Variants in DEFB109B observed in about 807,000 individuals in gnomAD.
DEFB109B encodes defensin beta 109B.
chr8:7,315,635 T>G (rs1487584763), intron 1 of DEFB109B, among the ~76,000 whole-genome samples: 2 of 131,242 alleles, frequency 1.5e-5, no homozygotes, highest in Non-Finnish European at 3.0e-5. Flanking sequence ...AAGCCCACAC[T>G]CAGCCTTTCA....
downstream of DEFB109B, chr8:7,319,955 T>A (rs1472860522): frequency 1.5e-5 from 1 of 66,664 alleles, no homozygotes. Context: ...GAAATGAAAC[T>A]GAAACAAAAT....
chr8:7,319,601 T>C (rs1232107695), intron 1 of DEFB109B, 145 bp from the exon 2 acceptor site: 1 of 141,070 alleles, frequency 7.1e-6, no homozygotes, highest in East Asian at 2.0e-4. Context: ...TTAAACTGCA[T>C]GTGTCTCTGA....
upstream of DEFB109B, among the ~76,000 whole-genome samples, chr8:7,310,850 AGTTT>A (rs1585308000): frequency 1.5e-5 from 2 of 134,158 alleles, no homozygotes; most frequent in Non-Finnish European, 3.0e-5. Flanking sequence ...ACAAAAGAAC[AGTTT>A]GTTAGCCTTG....
upstream of DEFB109B, among the ~76,000 whole-genome samples, chr8:7,309,599 C>G (rs1802495586): frequency 2.7e-5 from 4 of 147,946 alleles, no homozygotes; most frequent in African/African-American, 1.1e-4. Flanking sequence ...CAGAGCATGC[C>G]CTTCTGCATT....
chr8:7,310,658 C>A (rs565822605), upstream of DEFB109B, among the ~76,000 whole-genome samples: 5 of 146,708 alleles, frequency 3.4e-5, no homozygotes, highest in East Asian at 3.9e-4. Flanking sequence ...CCACACTCCA[C>A]ATAGGTTTGG....
intron 1 of DEFB109B, among the ~76,000 whole-genome samples, chr8:7,313,728 T>A: frequency 7.1e-6 from 1 of 140,080 alleles, no homozygotes. Flanking sequence ...CTAAAGAAGA[T>A]AAAGGGAAAA....
At chr8:7,315,835 A>G (rs1802884747) in intron 1 of DEFB109B, among the ~76,000 whole-genome samples, 1 of 143,998 alleles carries the variant, frequency 6.9e-6, no homozygotes, top group Non-Finnish European at 1.5e-5. Flanking sequence ...TTAAAATGAA[A>G]TCTATGATCT....
At chr8:7,312,278 T>G (rs1802651908), upstream of DEFB109B, among the ~76,000 whole-genome samples, 2 of 138,762 alleles carry the variant, frequency 1.4e-5, no homozygotes, top group South Asian at 4.2e-4. Context: ...CCATAGTACT[T>G]ATAGTTAACA....
At chr8:7,312,094 T>TG (rs1213065147), upstream of DEFB109B, among the ~76,000 whole-genome samples, 5,102 of 76,034 alleles carry the variant, frequency 0.067, 194 homozygotes, top group African/African-American at 0.12. Context: ...TTTACTTGGG[T>TG]GGGGGGGGGG....
chr8:7,315,520 G>A (rs1167846512), intron 1 of DEFB109B, among the ~76,000 whole-genome samples: 2 of 129,636 alleles, frequency 1.5e-5, no homozygotes, highest in Non-Finnish European at 3.1e-5. Context: ...AAAAGAAGAA[G>A]AAGAATAAAG....
chr8:7,317,397 CA>C (rs893359139), intron 1 of DEFB109B, among the ~76,000 whole-genome samples: 3 of 147,558 alleles, frequency 2.0e-5, no homozygotes, highest in African/African-American at 8.1e-5. Flanking sequence ...CTAGCCAATA[CA>C]AAGTGCCTAG....
upstream of DEFB109B, among the ~76,000 whole-genome samples, chr8:7,309,664 G>A (rs1490904080): frequency 6.4e-4 from 94 of 147,844 alleles, 1 homozygote; most frequent in African/African-American, 2.3e-3. Flanking sequence ...CATGGTTTTG[G>A]TGATTCTGTG....
rs545187963 is a variant in DEFB109B at position 7,313,247 on chromosome 8, G to A, written n.58+344G>A. On this transcript the variant is annotated intron_variant and non_coding_transcript_variant, in intron 1 of 1. Coordinates refer to ENST00000382656, the Ensembl canonical transcript of DEFB109B. ...CATGACCTCAATGAGATGCCTTTGC[G>A]GGACATGGAAATTTATATGCAGGCA... 9.6e-5 allele frequency among the ~76,000 whole-genome samples: 14 copies of A among 145,704 alleles called. No homozygotes were observed. In the South Asian group the frequency reaches 1.9e-3, roughly 20 times the overall value.
chr8:7,310,899 T>TA (rs1286581798), upstream of DEFB109B, among the ~76,000 whole-genome samples: 1 of 102,412 alleles, frequency 9.8e-6, no homozygotes, highest in African/African-American at 5.5e-5. Context: ...GCAGACACTG[T>TA]AAAATCACTC....
intron 1 of DEFB109B, among the ~76,000 whole-genome samples, chr8:7,315,750 G>T (rs1421744728): frequency 7.0e-6 from 1 of 142,568 alleles, no homozygotes; most frequent in Non-Finnish European, 1.5e-5. Flanking sequence ...GTGTGGATCC[G>T]TTCTTTTTTC....
intron 1 of DEFB109B, among the ~76,000 whole-genome samples, chr8:7,318,372 A>T (rs2128807084): frequency 1.7e-5 from 1 of 58,776 alleles, no homozygotes; most frequent in Middle Eastern, 6.2e-3. Flanking sequence ...AGGAGCTTAA[A>T]CCTCCTCCTC....
At chr8:7,319,288 G>A (rs1236733355) in intron 1 of DEFB109B, 2 of 135,242 alleles carry the variant, frequency 1.5e-5, no homozygotes, top group African/African-American at 7.0e-5. Context: ...AAAAAAAATA[G>A]CCATATAGAA....
intron 1 of DEFB109B, chr8:7,318,833 G>T (rs1277655479): frequency 6.9e-6 from 1 of 145,626 alleles, no homozygotes; most frequent in Admixed American, 6.6e-5. Context: ...GGAAATACTG[G>T]TCTGAATACA....
At chr8:7,309,686 G>T (rs1802501571), upstream of DEFB109B, among the ~76,000 whole-genome samples, 1 of 146,468 alleles carries the variant, frequency 6.8e-6, no homozygotes, top group South Asian at 2.1e-4. Context: ...AGGACTTATT[G>T]CTTTTACCCA....
Sources: allele counts gnomAD v4.1 joint callset (sites outside exome capture counted in the v4.1 genomes callset), GRCh38; gene constraint gnomAD v4.1.1; transcripts MANE v1.5; gene names NCBI Gene and HGNC (gene_info 2026-07-23, HGNC 2026-07-21).